The following NDUFB3 variants were observed in gnomAD, a reference collection of about 807,000 sequenced individuals.
NDUFB3 encodes NADH dehydrogenase [ubiquinone] 1 beta subcomplex subunit 3.
In NDUFB3, 7 loss-of-function variants were observed where a neutral mutation model predicts 9.0. The observed-to-expected ratio is 0.78, with a 90% confidence interval of 0.44 to 1.46. The LOEUF is 1.46. Among genes scored for constraint, NDUFB3 ranks in the 40% most tolerant of loss-of-function variants. NDUFB3 has a pLI of 0.01. For missense variants in NDUFB3, 93 were observed against 115.4 expected, an observed-to-expected ratio of 0.81 and a Z score of 0.89; for synonymous variants, 29 against 38.5, an observed-to-expected ratio of 0.75 and a Z score of 0.91.
In NDUFB3 at chr2:201,074,002, G is replaced by T. The variant is rs1389970884; in HGVS notation, c.-3+1943G>T. Among the ~76,000 whole-genome samples, 3 of 152,142 alleles carry T rather than the reference G, an allele frequency of 2.0e-5. No individual in the cohort carries two copies. In the South Asian group the frequency reaches 6.3e-4, roughly 32 times the overall value. On this transcript the variant is annotated intron_variant, in intron 1 of 2. Coordinates refer to ENST00000237889, the MANE Select transcript of NDUFB3 (RefSeq NM_002491.3). ...GAGTCTCGCTCTGTCGCCCAGGCTG[G>T]AGTGCAGTGGCGCGATCTCGGCTTA...
Position 201,080,823 on chromosome 2 carries a change from C to T in NDUFB3, c.140+1801C>T, listed in dbSNP as rs532728826. Among the ~76,000 whole-genome samples the T allele has an allele frequency of 1.6e-3, 240 of 151,290 alleles. 2 individuals carry two copies. The highest frequency in any genetic ancestry group is 5.7e-3 in the African/African-American group (234 of 41,262). ...GGTTCACGCCATTCTCCTGCCTCAG[C>T]CTCCTAAATAGCTGGGACTACAGGT... On this transcript the variant is annotated intron_variant, in intron 2 of 2. Coordinates refer to ENST00000237889, the MANE Select transcript of NDUFB3 (RefSeq NM_002491.3).
At chr2:201,072,594 A>G (rs1037698873) in intron 1 of NDUFB3, among the ~76,000 whole-genome samples, 1 of 152,136 alleles carries the variant, frequency 6.6e-6, no homozygotes, top group African/African-American at 2.4e-5. Flanking sequence ...CACTTCAGAC[A>G]TAGATAGCTT....
chr2:201,078,456 T>C (rs2047189397), intron 1 of NDUFB3, among the ~76,000 whole-genome samples: 1 of 152,214 alleles, frequency 6.6e-6, no homozygotes, highest in Admixed American at 6.5e-5. Context: ...GGGATACTCA[T>C]TATTTAAGTT....
intron 2 of NDUFB3, among the ~76,000 whole-genome samples, chr2:201,083,801 A>G (rs2047259526): frequency 6.6e-6 from 1 of 152,168 alleles, no homozygotes; most frequent in African/African-American, 2.4e-5. Flanking sequence ...AGTGAACCCT[A>G]CTTCATTATG....
At chr2:201,076,507 ATATAT>A (rs1559148073) in intron 1 of NDUFB3, among the ~76,000 whole-genome samples, 6 of 146,506 alleles carry the variant, frequency 4.1e-5, no homozygotes, top group African/African-American at 1.0e-4. Flanking sequence ...ATATATATAT[ATATAT>A]AATTAAATGT....
intron 1 of NDUFB3, among the ~76,000 whole-genome samples, chr2:201,076,859 G>T (rs2047169965): frequency 6.6e-6 from 1 of 152,120 alleles, no homozygotes; most frequent in Admixed American, 6.5e-5. Flanking sequence ...CCAGCACTTT[G>T]GGAGGCGGAG....
intron 1 of NDUFB3, among the ~76,000 whole-genome samples, chr2:201,078,084 C>T (rs2047184448): frequency 6.6e-6 from 1 of 151,948 alleles, no homozygotes; most frequent in African/African-American, 2.4e-5. Flanking sequence ...GGGTGGATCA[C>T]GAGGTCAGGA....
chr2:201,079,640 GC>G (rs1411505098), intron 2 of NDUFB3, among the ~76,000 whole-genome samples: 1 of 151,988 alleles, frequency 6.6e-6, no homozygotes, highest in Admixed American at 6.6e-5. Context: ...ACAGGGTTTT[GC>G]CATGTTGCCC....
intron 2 of NDUFB3, 120 bp downstream of exon 2, chr2:201,079,142 T>C: frequency 8.4e-7 from 1 of 1,187,532 alleles, no homozygotes; most frequent in East Asian, 2.8e-5. Flanking sequence ...AAAGGGTTTT[T>C]TTTGGTTTTT....
chr2:201,080,699 C>CA (rs755294828), intron 2 of NDUFB3, among the ~76,000 whole-genome samples: 1 of 99,010 alleles, frequency 1.0e-5, no homozygotes, highest in Admixed American at 1.1e-4. Context: ...AGATCTCCAA[C>CA]TTTTTTTTTT....
At chr2:201,076,211 T>C (rs1442116194) in intron 1 of NDUFB3, among the ~76,000 whole-genome samples, 1 of 152,044 alleles carries the variant, frequency 6.6e-6, no homozygotes, top group Non-Finnish European at 1.5e-5. Flanking sequence ...CATTTAAATG[T>C]GAAAATCCTC....
chr2:201,083,504 G>T (rs2047255673), intron 2 of NDUFB3, among the ~76,000 whole-genome samples: 9 of 151,878 alleles, frequency 5.9e-5, no homozygotes, highest in African/African-American at 2.2e-4. Flanking sequence ...ACAGGCATGT[G>T]CCACCACACC....
chr2:201,078,223 ACCCGGGAGGCGGAGCTTGCAGTGAG>A (rs1352810673), intron 1 of NDUFB3, among the ~76,000 whole-genome samples: 2 of 151,562 alleles, frequency 1.3e-5, no homozygotes, highest in African/African-American at 2.4e-5. Flanking sequence ...AATGGCGTGA[ACCCGGGAGGCGGAGCTTGCAGTGAG>A]CCAAGATTGC....
intron 2 of NDUFB3, chr2:201,080,073 CTT>C (rs759365010): frequency 1.3e-4 from 20 of 152,184 alleles, no homozygotes; most frequent in Admixed American, 3.9e-4. Flanking sequence ...CTAAGATTAT[CTT>C]CTATGCTTTC....
At chr2:201,083,599 G>A (rs936710038) in intron 2 of NDUFB3, among the ~76,000 whole-genome samples, 2 of 151,798 alleles carry the variant, frequency 1.3e-5, no homozygotes, top group African/African-American at 2.4e-5. Context: ...CACACGCCTC[G>A]ACCTCCCAAA....
intron 2 of NDUFB3, among the ~76,000 whole-genome samples, chr2:201,082,333 T>C (rs1358014871): frequency 1.3e-5 from 2 of 151,756 alleles, no homozygotes; most frequent in African/African-American, 2.4e-5. Flanking sequence ...GATGCCGTTT[T>C]GGCTCATTGC....
chr2:201,072,652 AC>A (rs200519257), intron 1 of NDUFB3, among the ~76,000 whole-genome samples: 4,323 of 152,142 alleles, frequency 0.028, 213 homozygotes, highest in African/African-American at 0.099. Flanking sequence ...TAATTTCCTT[AC>A]TGTTATTATT....
chr2:201,076,607 TTTTTTC>T (rs1410570628), intron 1 of NDUFB3, among the ~76,000 whole-genome samples: 14 of 151,228 alleles, frequency 9.3e-5, no homozygotes, highest in African/African-American at 3.4e-4. Context: ...TATGTACAAT[TTTTTTC>T]TCATATCTTG....
chr2:201,076,381 C>G (rs2047162868), intron 1 of NDUFB3, among the ~76,000 whole-genome samples: 1 of 151,250 alleles, frequency 6.6e-6, no homozygotes, highest in African/African-American at 2.4e-5. Context: ...GTTGTGCACA[C>G]TCCAGTCCTA....
Sources: gnomAD v4.1 joint callset for allele counts (sites outside exome capture counted in the v4.1 genomes callset) on GRCh38, gnomAD v4.1.1 for gene constraint, MANE v1.5 for transcripts, NCBI Gene and HGNC (gene_info 2026-07-23, HGNC 2026-07-21) for gene names.